The following ANXA4 variants were observed in gnomAD, a reference collection of about 807,000 sequenced individuals.
The protein encoded by ANXA4 is 35-beta calcimedin.
ANXA4 carries 39 observed loss-of-function variants against 49.8 expected under a neutral mutation model. That is an observed-to-expected ratio of 0.78 (90% confidence interval 0.61 to 1.02). The LOEUF (loss-of-function observed/expected upper bound fraction) is 1.02. Among genes scored for constraint, ANXA4 ranks in the 50% least tolerant of loss-of-function variants. The pLI, the probability that ANXA4 is intolerant of heterozygous loss-of-function variation, is 0.00. For synonymous variants in ANXA4, 134 were observed against 152.5 expected, an observed-to-expected ratio of 0.88 and a Z score of 0.89; for missense variants, 360 against 410.1, an observed-to-expected ratio of 0.88 and a Z score of 1.05.
chr2:69,682,458 T>C (rs186803585), intron 2 of ANXA4, among the ~76,000 whole-genome samples: 1 of 152,312 alleles, frequency 6.6e-6, no homozygotes, highest in Admixed American at 6.5e-5. Flanking sequence ...AGATACCCTT[T>C]TACATGTTTA....
intron 2 of ANXA4, among the ~76,000 whole-genome samples, chr2:69,783,268 A>G (rs1672275620): frequency 1.3e-5 from 2 of 151,790 alleles, no homozygotes; most frequent in Non-Finnish European, 2.9e-5. Flanking sequence ...CCCAGGCTGG[A>G]GAGCAGTGGC....
intron 1 of ANXA4, among the ~76,000 whole-genome samples, chr2:69,743,623 A>G (rs1169342317): frequency 1.3e-5 from 2 of 152,302 alleles, no homozygotes; most frequent in Non-Finnish European, 1.5e-5. Context: ...CCCATGACCC[A>G]AGAGCTGCTG....
chr2:69,779,300 G>A (rs1348181885), intron 1 of ANXA4, among the ~76,000 whole-genome samples: 11 of 152,042 alleles, frequency 7.2e-5, no homozygotes, highest in East Asian at 1.9e-4. Flanking sequence ...TAAATGTGTC[G>A]TCTATCTCTC....
At chr2:69,697,344 C>T (rs761997124) in intron 2 of ANXA4, among the ~76,000 whole-genome samples, 55 of 152,294 alleles carry the variant, frequency 3.6e-4, no homozygotes, top group Non-Finnish European at 7.1e-4. Flanking sequence ...TCCCAGCCTT[C>T]GCAGGATTGA....
intron 2 of ANXA4, among the ~76,000 whole-genome samples, chr2:69,695,354 G>T (rs1191446666): frequency 6.6e-6 from 1 of 152,104 alleles, no homozygotes; most frequent in Non-Finnish European, 1.5e-5. Context: ...TTCATTTGGT[G>T]CTGAGGCAGC....
chr2:69,713,247 G>A (rs1678734558), intron 2 of ANXA4, among the ~76,000 whole-genome samples: 1 of 151,792 alleles, frequency 6.6e-6, no homozygotes, highest in African/African-American at 2.4e-5. Flanking sequence ...TCCATTCTTT[G>A]TTTCCATGAA....
In ANXA4 at chr2:69,825,673, C is replaced by G. The variant is rs984003782; in HGVS notation, c.*158C>G. ...ATAGACTGTCTGTATTATTATTCACCTATAATTAGTCATTATGATGCTTTA... is the reference window on the plus strand; with the variant it reads ...ATAGACTGTCTGTATTATTATTCACGTATAATTAGTCATTATGATGCTTTA... On this transcript the variant is annotated 3_prime_UTR_variant, in exon 13 of 13. Coordinates refer to ENST00000394295, the MANE Select transcript of ANXA4 (RefSeq NM_001153.5). 4 of 527,536 alleles carry G rather than the reference C, an allele frequency of 7.6e-6. No individual in the cohort carries two copies. In the African/African-American group the frequency reaches 7.9e-5, roughly 10 times the overall value. 32.7% of individuals were successfully genotyped at this position (527,536 alleles called of 1,614,324 possible).
chr2:69,725,693 G>T (rs1188534377), intron 3 of ANXA4, among the ~76,000 whole-genome samples: 1 of 152,164 alleles, frequency 6.6e-6, no homozygotes, highest in East Asian at 1.9e-4. Context: ...TGGGTGAAGG[G>T]AGTGTGTGGC....
chr2:69,804,902 GC>G (rs1050447783), intron 4 of ANXA4, among the ~76,000 whole-genome samples: 12 of 151,828 alleles, frequency 7.9e-5, no homozygotes, highest in African/African-American at 2.7e-4. Flanking sequence ...ACAAAAATTA[GC>G]CGGGCATGGT....
chr2:69,803,381 C>A (rs944365074), intron 3 of ANXA4: 2 of 152,084 alleles, frequency 1.3e-5, no homozygotes, highest in South Asian at 2.1e-4. Context: ...CCCATTCCAA[C>A]CCCCCATACA....
intron 2 of ANXA4, among the ~76,000 whole-genome samples, chr2:69,709,124 A>T (rs1045494810): frequency 6.6e-6 from 1 of 152,174 alleles, no homozygotes; most frequent in African/African-American, 2.4e-5. Context: ...AGTAATCCCT[A>T]TAGGAGCATC....
At chr2:69,788,622 G>A (rs1672521129) in intron 3 of ANXA4, among the ~76,000 whole-genome samples, 1 of 152,032 alleles carries the variant, frequency 6.6e-6, no homozygotes, top group African/African-American at 2.4e-5. Context: ...TGGATCACGA[G>A]GTCAGGAGAT....
At chr2:69,672,763 A>G (rs963638718) in intron 2 of ANXA4, among the ~76,000 whole-genome samples, 4 of 152,200 alleles carry the variant, frequency 2.6e-5, no homozygotes, top group Non-Finnish European at 5.9e-5. Flanking sequence ...GTTCATAAAC[A>G]GTTTCAACAG....
chr2:69,820,345 A>T (rs1674180081), intron 11 of ANXA4, among the ~76,000 whole-genome samples: 1 of 151,980 alleles, frequency 6.6e-6, no homozygotes, highest in Non-Finnish European at 1.5e-5. Context: ...TTTACATCAG[A>T]GGATTTCATG....
intron 1 of ANXA4, among the ~76,000 whole-genome samples, chr2:69,774,340 C>CCCCT (rs1244524532): frequency 2.0e-5 from 1 of 50,792 alleles, no homozygotes; most frequent in Non-Finnish European, 3.9e-5. Context: ...CCCCCCCCCC[C>CCCCT]TTTTTTTTTT....
intron 2 of ANXA4, among the ~76,000 whole-genome samples, chr2:69,677,806 A>G (rs1677460741): frequency 6.6e-6 from 1 of 152,204 alleles, no homozygotes; most frequent in African/African-American, 2.4e-5. Flanking sequence ...TTCCTTAAGG[A>G]AGATAGTAGA....
intron 1 of ANXA4, among the ~76,000 whole-genome samples, chr2:69,758,233 G>A (rs1457528006): frequency 6.6e-6 from 1 of 152,170 alleles, no homozygotes; most frequent in Non-Finnish European, 1.5e-5. Context: ...GGCTGGTCTT[G>A]AACTCCTGGC....
At chr2:69,785,408 C>G (rs531010514) in intron 2 of ANXA4, among the ~76,000 whole-genome samples, 6 of 152,218 alleles carry the variant, frequency 3.9e-5, no homozygotes, top group Non-Finnish European at 7.3e-5. Context: ...CTATTCCACA[C>G]TGTTTATGCC....
chr2:69,705,868 G>C (rs1678478172), intron 2 of ANXA4, among the ~76,000 whole-genome samples: 1 of 152,160 alleles, frequency 6.6e-6, no homozygotes, highest in African/African-American at 2.4e-5. Context: ...GGAGGTGGAG[G>C]TTGCAGTGAG....
Sources: allele counts gnomAD v4.1 joint callset (sites outside exome capture counted in the v4.1 genomes callset), GRCh38; gene constraint gnomAD v4.1.1; transcripts MANE v1.5; gene names NCBI Gene and HGNC (gene_info 2026-07-23, HGNC 2026-07-21).